RAB3C: variants seen among roughly 807,000 people sequenced by gnomAD.
RAB3C encodes the protein ras-related protein Rab-3C.
RAB3C carries 17 observed loss-of-function variants against 26.4 expected under a neutral mutation model. The ratio of observed to expected loss-of-function variants is 0.64; its 90% confidence interval spans 0.44 to 0.97. The LOEUF (loss-of-function observed/expected upper bound fraction) is 0.97. RAB3C is among the 50% of genes least tolerant of loss of function. The pLI is 0.00. For missense variants in RAB3C, 242 were observed against 281.9 expected (o/e 0.86, Z 1.01); for synonymous variants, 91 against 95.9 (o/e 0.95, Z 0.30).
Position 58,612,526 on chromosome 5 carries a change from ATATATATATATATATATATATG to A in RAB3C, c.25-5101_25-5080del, listed in dbSNP as rs1407031643. Among the ~76,000 whole-genome samples the A allele has an allele frequency of 5.9e-4, 28 of 47,606 alleles. No individual in the cohort carries two copies. The East Asian group carries it at 8.2e-3, about 14-fold the overall frequency. 31.2% of individuals were successfully genotyped at this position (47,606 alleles called of 152,430 possible). On this transcript the variant is annotated intron_variant, in intron 1 of 4. Transcript: ENST00000282878. ...TGTGTGTGTGTGTGTGTGTGTATAT[ATATATATATATATATATATATG>A]TATATATATATATATGTATATATAT...
At chr5:58,694,534 AT>A (rs2111865851) in intron 2 of RAB3C, among the ~76,000 whole-genome samples, 1 of 152,250 alleles carries the variant, frequency 6.6e-6, no homozygotes, top group Admixed American at 6.5e-5. Flanking sequence ...GGTTGAACTA[AT>A]TTACACTCCC....
At position 58,620,863 on chromosome 5, in the gene RAB3C, C is replaced by T. The variant is rs1280269175; in HGVS notation, c.252+2993C>T. On this transcript the variant is annotated intron_variant, in intron 2 of 4. Transcript: ENST00000282878. ...TTTTTGAAAGAGTTCACATTGAAGG[C>T]ATGCAGGAGAAGAAATAATGAGGAG... Among the ~76,000 whole-genome samples the T allele has an allele frequency of 2.0e-5, 3 of 152,088 alleles. No individual in the cohort carries two copies. In the East Asian group the frequency reaches 5.8e-4, roughly 29 times the overall value.
intron 1 of RAB3C, among the ~76,000 whole-genome samples, chr5:58,596,904 T>G (rs1281163038): frequency 1.0e-5 from 1 of 96,220 alleles, no homozygotes; most frequent in African/African-American, 4.4e-5. Context: ...AATATTATAT[T>G]TTAATATATA....
chr5:58,648,208 G>T (rs991820533), intron 2 of RAB3C, among the ~76,000 whole-genome samples: 2 of 126,644 alleles, frequency 1.6e-5, no homozygotes, highest in Non-Finnish European at 1.7e-5. Context: ...GAAGACCCCA[G>T]GTTGGCCTCC....
At chr5:58,749,570 G>A (rs931557391) in intron 3 of RAB3C, among the ~76,000 whole-genome samples, 1 of 152,172 alleles carries the variant, frequency 6.6e-6, no homozygotes, top group African/African-American at 2.4e-5. Context: ...GTGACATTGA[G>A]TTAGGTCTTA....
intron 2 of RAB3C, among the ~76,000 whole-genome samples, chr5:58,698,651 C>G (rs1297245543): frequency 6.6e-6 from 1 of 152,116 alleles, no homozygotes; most frequent in Non-Finnish European, 1.5e-5. Context: ...CTAAACTTCT[C>G]TTTTCACTTT....
At chr5:58,793,452 G>T (rs1258372872) in intron 3 of RAB3C, among the ~76,000 whole-genome samples, 1 of 151,464 alleles carries the variant, frequency 6.6e-6, no homozygotes, top group Non-Finnish European at 1.5e-5. Flanking sequence ...AGCTACTCAG[G>T]AGGCTGAGGC....
At chr5:58,754,672 C>CA (rs1741612670) in intron 3 of RAB3C, among the ~76,000 whole-genome samples, 1 of 152,146 alleles carries the variant, frequency 6.6e-6, no homozygotes, top group South Asian at 2.1e-4. Context: ...ACCACAGCAC[C>CA]AAAGAGGAAC....
At chr5:58,582,350 C>T, upstream of RAB3C, 1 of 978,558 alleles carries the variant, frequency 1.0e-6, no homozygotes. Flanking sequence ...GAGCCCTAAC[C>T]TCCTTTGTAG....
chr5:58,749,737 C>G (rs1741481984), intron 3 of RAB3C, among the ~76,000 whole-genome samples: 2 of 152,028 alleles, frequency 1.3e-5, no homozygotes, highest in South Asian at 2.1e-4. Context: ...ATTGTTTCAG[C>G]CTTTTGCTGA....
intron 2 of RAB3C, among the ~76,000 whole-genome samples, chr5:58,648,089 A>T (rs1410340092): frequency 6.6e-6 from 1 of 152,204 alleles, no homozygotes; most frequent in Non-Finnish European, 1.5e-5. Context: ...CCTGGGCCAC[A>T]GTTTCCTCAC....
At chr5:58,634,747 G>A (rs1408584231) in intron 2 of RAB3C, among the ~76,000 whole-genome samples, 1 of 152,148 alleles carries the variant, frequency 6.6e-6, no homozygotes, top group Non-Finnish European at 1.5e-5. Flanking sequence ...AAAATAGAAA[G>A]TTGTGCAAGA....
chr5:58,696,351 C>A (rs188836560), intron 2 of RAB3C, among the ~76,000 whole-genome samples: 1 of 152,110 alleles, frequency 6.6e-6, no homozygotes, highest in Non-Finnish European at 1.5e-5. Flanking sequence ...ATTTTTCCAT[C>A]GATATTTATC....
intron 2 of RAB3C, among the ~76,000 whole-genome samples, chr5:58,692,531 CA>C (rs1748591791): frequency 6.6e-6 from 1 of 151,742 alleles, no homozygotes; most frequent in South Asian, 2.1e-4. Context: ...TAGAACGTTA[CA>C]TATTCTCTTG....
At chr5:58,590,529 T>C (rs1288124718) in intron 1 of RAB3C, among the ~76,000 whole-genome samples, 1 of 151,412 alleles carries the variant, frequency 6.6e-6, no homozygotes, top group Non-Finnish European at 1.5e-5. Context: ...TAAATTTGGT[T>C]CACTTATTTA....
chr5:58,792,925 G>A (rs1219199306), intron 3 of RAB3C, among the ~76,000 whole-genome samples: 1 of 152,002 alleles, frequency 6.6e-6, no homozygotes, highest in Non-Finnish European at 1.5e-5. Flanking sequence ...TTGAGGGCAG[G>A]AGTATTTTAT....
intron 2 of RAB3C, among the ~76,000 whole-genome samples, chr5:58,703,629 C>A (rs1748891223): frequency 6.6e-6 from 1 of 152,092 alleles, no homozygotes; most frequent in Non-Finnish European, 1.5e-5. Flanking sequence ...GCTACTAGTC[C>A]ATTCTCAAAG....
At chr5:58,780,128 C>T (rs772651295) in intron 3 of RAB3C, among the ~76,000 whole-genome samples, 35 of 152,142 alleles carry the variant, frequency 2.3e-4, no homozygotes, top group Middle Eastern at 6.8e-3. Context: ...TTAGCAGTGT[C>T]GTGGGCATGC....
Position 58,852,732 on chromosome 5 carries a change from C to T in RAB3C, c.*1381C>T, listed in dbSNP as rs1230389488. 1 of 152,116 alleles carries T rather than the reference C, an allele frequency of 6.6e-6. No individual in the cohort carries two copies. The highest frequency in any genetic ancestry group is 6.6e-5 in the Admixed American group (1 of 15,264). The allele number at this position is 152,116 out of a possible 1,614,324, so 9.4% of individuals were successfully genotyped here. A position where few individuals can be genotyped will look rare whatever the true frequency, so the allele number is the denominator to read the frequency against. ...TACAGAGAGCAACAGGGAAATTTGG[C>T]CTCTGTATCACTGTCCAGCATTATT... is the stretch of plus-strand genomic sequence containing the variant. On this transcript the variant is annotated 3_prime_UTR_variant, in exon 5 of 5. Coordinates refer to ENST00000282878, the MANE Select transcript of RAB3C (RefSeq NM_138453.4).
Sources: allele counts gnomAD v4.1 joint callset (sites outside exome capture counted in the v4.1 genomes callset), GRCh38; gene constraint gnomAD v4.1.1; transcripts MANE v1.5; gene names NCBI Gene and HGNC (gene_info 2026-07-23, HGNC 2026-07-21).